Variants in SERPINE3 observed in about 807,000 individuals in gnomAD.
The protein encoded by SERPINE3 is serpin family E member 3.
SERPINE3 carries 43 observed loss-of-function variants against 41.7 expected under a neutral mutation model. The observed-to-expected ratio is 1.03, with a 90% CI of 0.81 to 1.33. The LOEUF is 1.33. Among genes scored for constraint, SERPINE3 ranks in the 40% most tolerant of loss-of-function variants. SERPINE3 has a pLI of 0.00. For missense variants in SERPINE3, 440 were observed against 491.7 expected (o/e 0.89, Z 0.99); for synonymous variants, 200 against 192.2 (o/e 1.04, Z -0.34).
chr13:51,363,250 C>T (rs1057032072), intron 9 of SERPINE3: 5 of 151,926 alleles, frequency 3.3e-5, no homozygotes, highest in African/African-American at 7.2e-5. Flanking sequence ...GTTTTCAGAA[C>T]TGCCTCAGTA....
intron 7 of SERPINE3, among the ~76,000 whole-genome samples, chr13:51,357,149 G>T (rs983949982): frequency 6.6e-6 from 1 of 151,990 alleles, no homozygotes; most frequent in African/African-American, 2.4e-5. Context: ...TTTAATATCC[G>T]GCCCTTTATA....
At chr13:51,347,341 G>A (rs541229326) in intron 5 of SERPINE3, 107 bp downstream of exon 5, 126 of 956,016 alleles carry the variant, frequency 1.3e-4, no homozygotes, top group Non-Finnish European at 1.3e-4. Context: ...ATGTGTTTCC[G>A]CAGGGTCCAT....
chr13:51,341,475 A>T, intron 3 of SERPINE3, 128 bp downstream of exon 3: 1 of 932,198 alleles, frequency 1.1e-6, no homozygotes, highest in Non-Finnish European at 1.6e-6. Context: ...ACTCACACTC[A>T]CTCTCTCCAG....
At chr13:51,348,106 G>A in intron 5 of SERPINE3, 107 bp from the exon 6 acceptor site, 9 of 807,188 alleles carry the variant, frequency 1.1e-5, no homozygotes, top group Admixed American at 2.7e-5. Context: ...GTGGATGCTC[G>A]GTTTTATTGT....
chr13:51,347,311 C>G (rs1255704688), intron 5 of SERPINE3, 77 bp downstream of exon 5: 3 of 1,269,152 alleles, frequency 2.4e-6, no homozygotes, highest in Non-Finnish European at 3.4e-6. Flanking sequence ...AGGCCAGGTC[C>G]CTGCTCCTAA....
chr13:51,348,304 T>C lies in SERPINE3; in HGVS notation c.792T>C (p.Arg264=), dbSNP rs1955371076. ...SAVSLFLVLP[R]DKDTPLSHIE... is the part of the protein sequence containing the mutation. ...TGAGTCTGTTCCTGGTGCTGCCCCGTGACAAAGACACCCCCCTGAGCCACA... is the reference window on the plus strand; with the variant it reads ...TGAGTCTGTTCCTGGTGCTGCCCCGCGACAAAGACACCCCCCTGAGCCACA... The change falls in exon 6 of 10, where the codon CGT becomes CGC. Residue 264 remains arginine (R), a synonymous_variant. Transcript: ENST00000681248. 1.9e-6 allele frequency: 3 copies of C among 1,613,080 alleles called. No homozygotes were observed. In the African/African-American group the frequency reaches 4.0e-5, roughly 22 times the overall value.
At chr13:51,341,471 A>G in intron 3 of SERPINE3, 124 bp downstream of exon 3, 1 of 957,932 alleles carries the variant, frequency 1.0e-6, no homozygotes, top group Non-Finnish European at 1.5e-6. Flanking sequence ...TCATACTCAC[A>G]CTCACTCTCT....
At chr13:51,343,987 G>A (rs973060937) in intron 3 of SERPINE3, among the ~76,000 whole-genome samples, 4 of 152,164 alleles carry the variant, frequency 2.6e-5, no homozygotes, top group African/African-American at 9.7e-5. Flanking sequence ...ACTGGATGTT[G>A]GTAGTGTTTT....
chr13:51,360,885 T>C (rs759015894), intron 7 of SERPINE3, among the ~76,000 whole-genome samples: 3 of 152,058 alleles, frequency 2.0e-5, no homozygotes, highest in Non-Finnish European at 4.4e-5. Context: ...CTACAGAATC[T>C]GCATTTTAAC....
At chr13:51,343,494 ATC>A (rs1276025876) in intron 3 of SERPINE3, among the ~76,000 whole-genome samples, 8 of 152,256 alleles carry the variant, frequency 5.3e-5, no homozygotes, top group African/African-American at 1.9e-4. Flanking sequence ...GAAGGAAGCA[ATC>A]TCCTGTATAA....
rs1415453409 is a variant in SERPINE3, at chr13:51,364,288, T to C, written c.*6T>C. The C allele has an allele frequency of 1.4e-6, 2 of 1,443,628 alleles. No individual in the cohort carries two copies. Among genetic ancestry groups the C allele is most frequent in the Non-Finnish European group, 1.9e-6 (2 of 1,071,772 alleles). 89.4% of individuals were successfully genotyped at this position (1,443,628 alleles called of 1,614,324 possible). On this transcript the variant is annotated 3_prime_UTR_variant, in exon 10 of 10. Transcript: ENST00000681248. ...TTTCAAATCCCCTAGACTAAATGCA[T>C]GTTCTCCACTTTCATCAATGCTTTT... is the stretch of plus-strand genomic sequence containing the variant.
At chr13:51,354,906 C>A in intron 6 of SERPINE3, 137 bp from the exon 7 acceptor site, 1 of 620,336 alleles carries the variant, frequency 1.6e-6, no homozygotes, top group South Asian at 2.0e-5. Context: ...GGGAAGGCGC[C>A]ATGGAAGATG....
At chr13:51,342,068 C>T (rs995072743) in intron 3 of SERPINE3, among the ~76,000 whole-genome samples, 24 of 151,946 alleles carry the variant, frequency 1.6e-4, no homozygotes, top group African/African-American at 4.6e-4. Flanking sequence ...AGTGCCTCAG[C>T]TCAATGCCTG....
At chr13:51,346,757 T>C (rs1276591482) in intron 4 of SERPINE3, among the ~76,000 whole-genome samples, 1 of 152,202 alleles carries the variant, frequency 6.6e-6, no homozygotes, top group African/African-American at 2.4e-5. Context: ...AGGATTTTTA[T>C]AAAATGACCA....
chr13:51,343,678 T>C (rs1955316520), intron 3 of SERPINE3, among the ~76,000 whole-genome samples: 1 of 152,226 alleles, frequency 6.6e-6, no homozygotes, highest in Non-Finnish European at 1.5e-5. Flanking sequence ...ACTTTTCCTC[T>C]GTATTTCTCA....
At position 51,348,257 on chromosome 13, in the gene SERPINE3, C is replaced by T; in HGVS notation, c.745C>T (p.Leu249Phe). Residue 249 changes from leucine to phenylalanine, a missense_variant, in exon 6 of 10, where the codon CTT (leucine) becomes TTT (phenylalanine). Transcript: ENST00000681248. ...AGGCCATCAGGTGGGGGTGCTGGAG[C>T]TTCCTTACCTGGGAAGTGCAGTGAG... ...TAGHQVGVLE[L>F]PYLGSAVSLF... The T allele has an allele frequency of 1.2e-6, 2 of 1,606,726 alleles. No homozygotes were observed. Among genetic ancestry groups the T allele is most frequent in the South Asian group, 1.1e-5 (1 of 89,118 alleles).
rs756835575 is a variant in SERPINE3, at chr13:51,348,386, G to A, written c.874G>A (p.Ala292Thr). The A allele has an allele frequency of 1.2e-6, 2 of 1,613,698 alleles. No homozygotes were observed. The highest frequency in any genetic ancestry group is 1.7e-6 in the Non-Finnish European group (2 of 1,179,854). The change falls in exon 6 of 10, where the codon GCC (alanine) becomes ACC (threonine). Residue 292 changes from alanine to threonine, a missense_variant. By Grantham distance (58) the Ala-to-Thr change is moderately conservative. Coordinates refer to ENST00000681248, the MANE Select transcript of SERPINE3 (RefSeq NM_001386375.1). ...CCTCTGGACCACCAGCCTGAGGAGA[G>A]CCAGGATGGATGTGTTCCTGCCCAG... ...IHLWTTSLRR[A>T]RMDVFLPRFR...
At chr13:51,361,445 T>C in intron 8 of SERPINE3, 81 bp downstream of exon 8, 1 of 884,502 alleles carries the variant, frequency 1.1e-6, no homozygotes. Flanking sequence ...TTCACACTTC[T>C]GAATCTTTCC....
chr13:51,355,852 T>C (rs1955473216), intron 7 of SERPINE3, among the ~76,000 whole-genome samples: 1 of 152,232 alleles, frequency 6.6e-6, no homozygotes. Context: ...GGTTTGTTTC[T>C]ACTCTGGATA....
Sources: allele counts gnomAD v4.1 joint callset (sites outside exome capture counted in the v4.1 genomes callset), GRCh38; gene constraint gnomAD v4.1.1; transcripts MANE v1.5; gene names NCBI Gene and HGNC (gene_info 2026-07-23, HGNC 2026-07-21).